The following ELP4 variants were observed in gnomAD, a reference collection of about 807,000 sequenced individuals.
ELP4 encodes elongator acetyltransferase complex subunit 4.
ELP4 carries 51 observed loss-of-function variants against 48.9 expected under a neutral mutation model. The observed-to-expected ratio is 1.04, with a 90% CI of 0.83 to 1.32. ELP4 has a LOEUF of 1.32. ELP4 is among the 40% of genes most tolerant of loss of function. The pLI, the probability that ELP4 is intolerant of heterozygous loss-of-function variation, is 0.00. For missense variants in ELP4, 519 were observed against 514.6 expected (o/e 1.01, Z -0.08); for synonymous variants, 210 against 189.2 (o/e 1.11, Z -0.90).
chr11:31,565,777 C>A (rs535150617), intron 3 of ELP4, among the ~76,000 whole-genome samples: 60 of 152,052 alleles, frequency 3.9e-4, no homozygotes, highest in African/African-American at 1.4e-3. Flanking sequence ...GTTACTGTAG[C>A]CTTGTAGTAT....
intron 1 of ELP4, among the ~76,000 whole-genome samples, chr11:31,513,060 T>C (rs985364282): frequency 3.0e-4 from 46 of 152,148 alleles, no homozygotes; most frequent in African/African-American, 9.4e-4. Flanking sequence ...AACATTGATG[T>C]CAAAAAGTAA....
intron 5 of ELP4, among the ~76,000 whole-genome samples, chr11:31,621,923 C>T (rs1388967660): frequency 6.6e-6 from 1 of 151,740 alleles, no homozygotes. Context: ...GTTTTAAGTG[C>T]CGTTTGTGTC....
intron 9 of ELP4, among the ~76,000 whole-genome samples, chr11:31,717,206 G>T (rs1946859439): frequency 6.6e-6 from 1 of 152,174 alleles, no homozygotes; most frequent in Non-Finnish European, 1.5e-5. Context: ...CAGGAACTTG[G>T]ATTGAAAAGA....
chr11:31,738,972 T>C (rs1367543661), intron 9 of ELP4, among the ~76,000 whole-genome samples: 2 of 152,200 alleles, frequency 1.3e-5, no homozygotes, highest in African/African-American at 2.4e-5. Flanking sequence ...AGTCATGCAA[T>C]TGCATAAGTT....
In ELP4 at chr11:31,789,697, A is replaced by C; in HGVS notation, c.*6173A>C. ...TACAAATAATACACCAAAATGAATA[A>C]AAGTTTGGATACCAAAATGAAGATT... On this transcript the variant is annotated 3_prime_UTR_variant, in exon 10 of 10. Coordinates refer to ENST00000640961, the MANE Select transcript of ELP4 (RefSeq NM_019040.5). The C allele has an allele frequency of 1.4e-6, 1 of 703,146 alleles. No individual in the cohort carries two copies. The highest frequency in any genetic ancestry group is 2.7e-5 in the East Asian group (1 of 37,276). 43.6% of individuals were successfully genotyped at this position (703,146 alleles called of 1,614,324 possible).
chr11:31,612,300 A>G (rs913501795), intron 5 of ELP4, among the ~76,000 whole-genome samples: 2 of 152,238 alleles, frequency 1.3e-5, no homozygotes, highest in African/African-American at 2.4e-5. Context: ...AATAATAGGC[A>G]TAGCTATCCA....
At chr11:31,733,476 CA>C (rs59733716) in intron 9 of ELP4, among the ~76,000 whole-genome samples, 7,882 of 69,742 alleles carry the variant, frequency 0.11, 361 homozygotes, top group African/African-American at 0.28. Context: ...GACTCCATCT[CA>C]AAAAAAAAAA....
intron 3 of ELP4, among the ~76,000 whole-genome samples, chr11:31,572,126 T>C (rs1473523270): frequency 1.3e-5 from 2 of 152,162 alleles, no homozygotes; most frequent in African/African-American, 2.4e-5. Flanking sequence ...GTCATCTACA[T>C]TGAAAATCTG....
At chr11:31,684,306 A>G (rs558950642) in intron 9 of ELP4, among the ~76,000 whole-genome samples, 1 of 152,216 alleles carries the variant, frequency 6.6e-6, no homozygotes, top group Non-Finnish European at 1.5e-5. Context: ...TTAGGGATTC[A>G]AGTGATTCTC....
At chr11:31,557,922 C>T (rs1956955222) in intron 3 of ELP4, among the ~76,000 whole-genome samples, 1 of 151,862 alleles carries the variant, frequency 6.6e-6, no homozygotes, top group South Asian at 2.1e-4. Flanking sequence ...TATTATATTT[C>T]CTTAAAACTA....
intron 9 of ELP4, among the ~76,000 whole-genome samples, chr11:31,734,125 C>A (rs565060760): frequency 7.9e-4 from 120 of 152,158 alleles, no homozygotes; most frequent in African/African-American, 2.8e-3. Flanking sequence ...AGCACATGAT[C>A]ATCTTAATAT....
At position 31,787,835 on chromosome 11, in the gene ELP4, T is replaced by C; in HGVS notation, c.*4311T>C. The C allele has an allele frequency of 4.4e-6, 1 of 225,208 alleles. No homozygotes were observed. Among genetic ancestry groups the C allele is most frequent in the Non-Finnish European group, 8.8e-6 (1 of 113,048 alleles). 14.0% of individuals were successfully genotyped at this position (225,208 alleles called of 1,614,324 possible). ...TTCCTTAACTAAAAAACAGTAGATA[T>C]TGAACGAGAAGGTCATGTTTAAATC... On this transcript the variant is annotated 3_prime_UTR_variant, in exon 10 of 10. Transcript: ENST00000640961.
intron 9 of ELP4, chr11:31,780,729 C>T (rs894879453): frequency 9.2e-5 from 14 of 152,096 alleles, no homozygotes; most frequent in African/African-American, 2.9e-4. Context: ...AAGCAGAGGC[C>T]AAGAAATGCT....
chr11:31,587,651 A>T (rs867533541), intron 3 of ELP4, among the ~76,000 whole-genome samples: 2 of 151,276 alleles, frequency 1.3e-5, no homozygotes, highest in African/African-American at 4.9e-5. Flanking sequence ...TAAAGTGTTA[A>T]TATTAATTAT....
At chr11:31,653,582 T>TTTTCATC (rs1945368603) in intron 9 of ELP4, 1 of 151,864 alleles carries the variant, frequency 6.6e-6, no homozygotes, top group South Asian at 2.1e-4. Context: ...AATGGTGTCT[T>TTTTCATC]TTTCATCTTT....
chr11:31,576,596 A>G (rs1158929556), intron 3 of ELP4, among the ~76,000 whole-genome samples: 1 of 152,216 alleles, frequency 6.6e-6, no homozygotes, highest in Non-Finnish European at 1.5e-5. Context: ...ACTGTCTCTC[A>G]GACCATAGTG....
chr11:31,594,709 T>C, intron 3 of ELP4, 61 bp from the exon 4 acceptor site: 26 of 1,262,220 alleles, frequency 2.1e-5, no homozygotes, highest in Non-Finnish European at 2.5e-5. Flanking sequence ...AATATTATGG[T>C]TTAAGAAAAT....
intron 9 of ELP4, among the ~76,000 whole-genome samples, chr11:31,773,006 G>A (rs1948180693): frequency 6.6e-6 from 1 of 152,214 alleles, no homozygotes; most frequent in Non-Finnish European, 1.5e-5. Flanking sequence ...TTCCTTGTCT[G>A]TTATCAGCCC....
At chr11:31,519,907 G>T in intron 1 of ELP4, 149 bp from the exon 2 acceptor site, 1 of 607,010 alleles carries the variant, frequency 1.6e-6, no homozygotes, top group South Asian at 2.2e-5. Flanking sequence ...ATAGCACCTT[G>T]AGCAAAGTAT....
Sources: gnomAD v4.1 joint callset for allele counts (sites outside exome capture counted in the v4.1 genomes callset) on GRCh38, gnomAD v4.1.1 for gene constraint, MANE v1.5 for transcripts, NCBI Gene and HGNC (gene_info 2026-07-23, HGNC 2026-07-21) for gene names.